The following SRSF4 variants were observed in gnomAD, a reference collection of about 807,000 sequenced individuals.
SRSF4 encodes the protein serine and arginine rich splicing factor 4.
A neutral mutation model predicts 48.8 loss-of-function variants in SRSF4; 12 were observed. The observed-to-expected ratio is 0.25, with a 90% CI of 0.16 to 0.40. The LOEUF is 0.40. SRSF4 is among the 10% of genes least tolerant of loss of function. SRSF4 has a pLI of 1.00. For missense variants in SRSF4, 466 were observed against 667.1 expected, an observed-to-expected ratio of 0.70 and a Z score of 3.32; for synonymous variants, 248 against 232.5, an observed-to-expected ratio of 1.07 and a Z score of -0.61.
At position 29,179,002 on chromosome 1, in the gene SRSF4, A is replaced by G. The variant is rs528887315; in HGVS notation, c.107+2644T>C. The stretch of plus-strand genomic sequence containing the variant: ...CTTGACTTTCAATGACATTTCATGC[A>G]TATCATGGTTTGGCAGCATAACTGT... On this transcript the variant is annotated intron_variant, in intron 1 of 5. Transcript: ENST00000373795. Among the ~76,000 whole-genome samples, 9 of 152,274 alleles carry G rather than the reference A, an allele frequency of 5.9e-5. No individual in the cohort carries two copies. The East Asian group carries it at 1.7e-3, about 29-fold the overall frequency.
rs1473543213 is a variant in SRSF4, at chr1:29,181,822, A to ACGGCGGCAG, written c.-79_-71dup. 4 of 1,328,760 alleles carry ACGGCGGCAG rather than the reference A, an allele frequency of 3.0e-6. No homozygotes were observed. Among genetic ancestry groups the ACGGCGGCAG allele is most frequent in the East Asian group, 2.9e-5 (1 of 34,452 alleles). The allele number at this position is 1,328,760 out of a possible 1,614,324, so 82.3% of individuals were successfully genotyped here. A position where few individuals can be genotyped will look rare whatever the true frequency, so the allele number is the denominator to read the frequency against. Reference sequence around the variant, plus strand: ...AGGCGGCGGCGGGCAAAGCGAGAGCACGGCGGCAGCGGCGGCGGCGGCAAC... The same window carrying ACGGCGGCAG: ...AGGCGGCGGCGGGCAAAGCGAGAGCACGGCGGCAGCGGCGGCAGCGGCGGCGGCGGCAAC... On this transcript the variant is annotated 5_prime_UTR_variant, in exon 1 of 6. Coordinates refer to ENST00000373795, the MANE Select transcript of SRSF4 (RefSeq NM_005626.5).
chr1:29,170,065 A>G (rs1672725918), intron 1 of SRSF4: 2 of 152,208 alleles, frequency 1.3e-5, no homozygotes, highest in Admixed American at 6.5e-5. Flanking sequence ...TTCTTTTTTG[A>G]TATTTTAAAG....
intron 1 of SRSF4, among the ~76,000 whole-genome samples, chr1:29,165,041 A>C (rs1418326621): frequency 6.9e-6 from 1 of 145,280 alleles, no homozygotes; most frequent in African/African-American, 2.8e-5. Flanking sequence ...CCCAAATCCC[A>C]AAAAAAACCC....
rs539621684 is a variant in SRSF4 at position 29,155,191 on chromosome 1, C to T, written c.364-281G>A. The stretch of plus-strand genomic sequence containing the variant: ...CATGCCTGTAATCCCAGCACTTTGA[C>T]AAGCTGAGGCGGGAGGATTGCTTGA... On this transcript the variant is annotated intron_variant, in intron 3 of 5. Coordinates refer to ENST00000373795, the MANE Select transcript of SRSF4 (RefSeq NM_005626.5). Among the ~76,000 whole-genome samples, 343 of 152,136 alleles carry T rather than the reference C, an allele frequency of 2.3e-3. 1 individual carries two copies. The highest frequency in any genetic ancestry group is 7.3e-3 in the African/African-American group (302 of 41,530).
At chr1:29,149,273 A>C in intron 5 of SRSF4, 47 bp from the exon 6 acceptor site, 2 of 1,584,442 alleles carry the variant, frequency 1.3e-6, no homozygotes, top group South Asian at 1.1e-5. Flanking sequence ...ACTTCATGCT[A>C]ATCAGGAGAT....
At position 29,150,125 on chromosome 1, in the gene SRSF4, A is replaced by G; in HGVS notation, c.646T>C (p.Ser216Pro). 6.2e-7 allele frequency: 1 copy of G among 1,613,976 alleles called. No homozygotes were observed. The highest frequency in any genetic ancestry group is 8.5e-7 in the Non-Finnish European group (1 of 1,179,968). ...SRSGSSKSSH[S>P]KSRSRSRSGS... ...TACCTGGACCGAGATCTACTCTTAG[A>G]ATGACTGCTTTTGCTGCTGCCACTT... is the stretch of plus-strand genomic sequence containing the variant. Residue 216 changes from serine (S) to proline (P), a missense_variant, in exon 5 of 6, where the codon TCT becomes CCT. Ser to Pro is a moderately conservative substitution (Grantham distance 74). This residue lies in a region of SRSF4 where 402 missense variants were observed against 437.0 expected (regional missense o/e 0.92). Coordinates refer to ENST00000373795, the MANE Select transcript of SRSF4 (RefSeq NM_005626.5).
intron 1 of SRSF4, among the ~76,000 whole-genome samples, chr1:29,174,571 G>A (rs947112150): frequency 1.3e-5 from 2 of 150,226 alleles, no homozygotes; most frequent in African/African-American, 4.9e-5. Flanking sequence ...CTGTTAGGGT[G>A]AAACAAGCAA....
At chr1:29,163,494 A>G (rs1470433005) in intron 1 of SRSF4, among the ~76,000 whole-genome samples, 1 of 152,250 alleles carries the variant, frequency 6.6e-6, no homozygotes, top group Non-Finnish European at 1.5e-5. Flanking sequence ...CTGAGAATAA[A>G]GCAAAGAGCA....
At chr1:29,152,601 A>G (rs982372756) in intron 4 of SRSF4, among the ~76,000 whole-genome samples, 8 of 152,132 alleles carry the variant, frequency 5.3e-5, no homozygotes, top group Admixed American at 4.6e-4. Flanking sequence ...AGGCCTTCAG[A>G]AACACCCTTT....
chr1:29,173,227 T>C (rs1276330807), intron 1 of SRSF4: 1 of 133,692 alleles, frequency 7.5e-6, no homozygotes, highest in Non-Finnish European at 1.5e-5. Context: ...AAGCTCAGCC[T>C]CCCGGGTTCA....
At chr1:29,149,687 G>GAA (rs539756933) in intron 5 of SRSF4, among the ~76,000 whole-genome samples, 25 of 92,564 alleles carry the variant, frequency 2.7e-4, no homozygotes, top group African/African-American at 3.6e-4. Context: ...TCTTGAGGGG[G>GAA]GAAAAAAAAA....
At chr1:29,179,388 G>A (rs927850081) in intron 1 of SRSF4, among the ~76,000 whole-genome samples, 1 of 152,086 alleles carries the variant, frequency 6.6e-6, no homozygotes, top group African/African-American at 2.4e-5. Flanking sequence ...AGAGATGGGG[G>A]TCTTGCTGTT....
In SRSF4 at chr1:29,148,578, C is replaced by T; in HGVS notation, c.1317G>A (p.Glu439=). 1 of 1,614,070 alleles carries T rather than the reference C, an allele frequency of 6.2e-7. No homozygotes were observed. The highest frequency in any genetic ancestry group is 1.3e-5 in the African/African-American group (1 of 75,014). Residue 439 remains glutamate, a synonymous_variant, in exon 6 of 6, where the codon GAG becomes GAA. Transcript: ENST00000373795. Reference sequence around the variant, plus strand: ...AATTGGATCTCGACCTGGACCGGGTCTCCTGATTGGTGCCAGCATTCTCAC... The same window carrying T: ...AATTGGATCTCGACCTGGACCGGGTTTCCTGATTGGTGCCAGCATTCTCAC... ...GESENAGTNQ[E]TRSRSRSNSK...
intron 1 of SRSF4, among the ~76,000 whole-genome samples, chr1:29,161,741 G>T (rs924922371): frequency 6.6e-6 from 1 of 152,202 alleles, no homozygotes; most frequent in African/African-American, 2.4e-5. Flanking sequence ...TGGGATTACA[G>T]GCGCACGCCC....
intron 1 of SRSF4, among the ~76,000 whole-genome samples, chr1:29,163,019 G>A (rs1171283767): frequency 6.6e-6 from 1 of 152,216 alleles, no homozygotes; most frequent in Non-Finnish European, 1.5e-5. Flanking sequence ...TTCAGAGAAA[G>A]CAGTGACAAT....
At chr1:29,156,578 G>A (rs1314450291) in intron 3 of SRSF4, among the ~76,000 whole-genome samples, 1 of 152,118 alleles carries the variant, frequency 6.6e-6, no homozygotes, top group Non-Finnish European at 1.5e-5. Flanking sequence ...CTTGCTAAGG[G>A]TCATGTAAGT....
intron 1 of SRSF4, among the ~76,000 whole-genome samples, chr1:29,177,753 T>TA (rs1419091188): frequency 6.6e-6 from 1 of 152,122 alleles, no homozygotes; most frequent in Non-Finnish European, 1.5e-5. Flanking sequence ...CCTGGTGTAA[T>TA]AAAACGGTAG....
intron 1 of SRSF4, among the ~76,000 whole-genome samples, chr1:29,161,472 G>A (rs1672593888): frequency 6.6e-6 from 1 of 152,208 alleles, no homozygotes. Flanking sequence ...TAGTAAGGCT[G>A]TGTGTACACG....
intron 3 of SRSF4, among the ~76,000 whole-genome samples, chr1:29,157,642 AAAAC>A (rs1672520396): frequency 6.6e-6 from 1 of 152,226 alleles, no homozygotes; most frequent in African/African-American, 2.4e-5. Flanking sequence ...TTTAAAAAGA[AAAAC>A]AAAAAAGTGC....
Sources: allele counts gnomAD v4.1 joint callset (sites outside exome capture counted in the v4.1 genomes callset), GRCh38; gene constraint gnomAD v4.1.1; regional missense constraint gnomAD v4.1.1; transcripts MANE v1.5; gene names NCBI Gene and HGNC (gene_info 2026-07-23, HGNC 2026-07-21).